The following CTNNA3 variants were observed in gnomAD, a reference collection of about 807,000 sequenced individuals.
CTNNA3 encodes catenin alpha 3.
CTNNA3 carries 76 observed loss-of-function variants against 95.7 expected under a neutral mutation model. The observed-to-expected ratio is 0.79, with a 90% CI of 0.66 to 0.96. CTNNA3 has a LOEUF of 0.96. Among genes scored for constraint, CTNNA3 ranks in the 40% least tolerant of loss-of-function variants. The probability of loss-of-function intolerance (pLI) is 0.00; values close to 1 mark genes in which losing one functional copy is unlikely to be tolerated. For missense variants in CTNNA3, 1,191 were observed against 1,089.8 expected, an observed-to-expected ratio of 1.09 and a Z score of -1.31; for synonymous variants, 431 against 374.4, an observed-to-expected ratio of 1.15 and a Z score of -1.74.
intron 9 of CTNNA3, among the ~76,000 whole-genome samples, chr10:66,718,927 A>G (rs1023215143): frequency 2.0e-5 from 3 of 152,176 alleles, no homozygotes; most frequent in African/African-American, 7.2e-5. Context: ...ATTTACCACT[A>G]AAGTAACATA....
At chr10:65,996,824 T>C (rs10740215) in intron 15 of CTNNA3, among the ~76,000 whole-genome samples, 130,042 of 152,132 alleles carry the variant, frequency 0.85, 55,852 homozygotes, top group African/African-American at 0.91. Flanking sequence ...TTTTTCTTGC[T>C]TCAGGTGTTT....
intron 13 of CTNNA3, among the ~76,000 whole-genome samples, chr10:66,138,594 C>T (rs1003489048): frequency 1.3e-5 from 2 of 152,042 alleles, no homozygotes; most frequent in East Asian, 1.9e-4. Flanking sequence ...TTTGGGAGGC[C>T]GAGGTGGGCA....
At chr10:67,427,479 C>A (rs1382107805) in intron 5 of CTNNA3, among the ~76,000 whole-genome samples, 1 of 151,906 alleles carries the variant, frequency 6.6e-6, no homozygotes, top group Non-Finnish European at 1.5e-5. Flanking sequence ...CATGTTTTGG[C>A]CCCTTCTCTT....
At chr10:67,476,887 C>G (rs1049952131) in intron 5 of CTNNA3, among the ~76,000 whole-genome samples, 5 of 151,446 alleles carry the variant, frequency 3.3e-5, no homozygotes, top group African/African-American at 9.7e-5. Flanking sequence ...CTCCACTCCA[C>G]CCTCAAGCAG....
chr10:66,491,758 G>C (rs962749530), intron 11 of CTNNA3, among the ~76,000 whole-genome samples: 4 of 152,102 alleles, frequency 2.6e-5, no homozygotes, highest in East Asian at 1.9e-4. Flanking sequence ...GTTATAAATA[G>C]AGTAATTAAA....
chr10:67,639,837 C>G (rs575271851), intron 2 of CTNNA3, among the ~76,000 whole-genome samples: 7 of 152,052 alleles, frequency 4.6e-5, no homozygotes, highest in South Asian at 2.1e-4. Flanking sequence ...CAATAAATTA[C>G]GTATTGATGG....
At chr10:66,224,757 T>C (rs1177425489) in intron 13 of CTNNA3, among the ~76,000 whole-genome samples, 1 of 152,190 alleles carries the variant, frequency 6.6e-6, no homozygotes, top group Non-Finnish European at 1.5e-5. Flanking sequence ...GAAGGTCCTT[T>C]ATAAGATAAC....
intron 9 of CTNNA3, among the ~76,000 whole-genome samples, chr10:66,740,214 G>C (rs74998222): frequency 0.021 from 3,206 of 152,298 alleles, 119 homozygotes; most frequent in African/African-American, 0.073. Context: ...GACATGGTGA[G>C]ACTTTACTCA....
intron 9 of CTNNA3, among the ~76,000 whole-genome samples, chr10:66,687,618 C>T (rs558254930): frequency 6.6e-6 from 1 of 151,970 alleles, no homozygotes; most frequent in East Asian, 1.9e-4. Context: ...GAGGGCCAAG[C>T]AGGATATGAA....
intron 15 of CTNNA3, among the ~76,000 whole-genome samples, chr10:66,063,904 A>G (rs1230741169): frequency 6.6e-6 from 1 of 152,184 alleles, no homozygotes. Flanking sequence ...ATAGTAGGCC[A>G]TTTAACTCTG....
In CTNNA3 at chr10:66,529,191, C is replaced by A. The variant is rs761937865; in HGVS notation, c.1375-8418G>T. 4.0e-4 allele frequency among the ~76,000 whole-genome samples: 61 copies of A among 151,912 alleles called. 1 individual carries two copies. Among genetic ancestry groups the A allele is most frequent in the African/African-American group, 1.4e-3 (56 of 41,372 alleles). On this transcript the variant is annotated intron_variant, in intron 10 of 17. Coordinates refer to ENST00000433211, the MANE Select transcript of CTNNA3 (RefSeq NM_013266.4). The stretch of plus-strand genomic sequence containing the variant: ...TCAAGCAGACTAGAATGCAATGGTG[C>A]GATCTTGGCTCACTGCAACCTCCAC...
chr10:66,635,990 CTGTGTGTGTGTGTGTG>C (rs10527642), intron 9 of CTNNA3, among the ~76,000 whole-genome samples: 22,009 of 145,864 alleles, frequency 0.15, 2,125 homozygotes, highest in Non-Finnish European at 0.21. Flanking sequence ...TGGAAGAACA[CTGTGTGTGTGTGTGTG>C]TGTGTGTGTG....
At chr10:66,320,336 C>T (rs2092163944) in intron 12 of CTNNA3, among the ~76,000 whole-genome samples, 1 of 152,084 alleles carries the variant, frequency 6.6e-6, no homozygotes, top group Non-Finnish European at 1.5e-5. Flanking sequence ...TCTAATTTTT[C>T]CTGCCTCTAG....
intron 7 of CTNNA3, among the ~76,000 whole-genome samples, chr10:67,111,529 T>C (rs1858908885): frequency 6.6e-6 from 1 of 152,108 alleles, no homozygotes; most frequent in Non-Finnish European, 1.5e-5. Flanking sequence ...TTTACATGAC[T>C]GTTTATGTGT....
intron 12 of CTNNA3, among the ~76,000 whole-genome samples, chr10:66,322,460 C>G (rs2092202153): frequency 6.6e-6 from 1 of 151,976 alleles, no homozygotes; most frequent in Non-Finnish European, 1.5e-5. Context: ...AGACAGAAAT[C>G]AAAGTTCAGT....
chr10:65,995,691 C>A (rs1279231467), intron 15 of CTNNA3, among the ~76,000 whole-genome samples: 1 of 152,214 alleles, frequency 6.6e-6, no homozygotes, highest in South Asian at 2.1e-4. Flanking sequence ...TCCTGGGTAG[C>A]ATGCATGGCA....
chr10:66,155,056 G>A (rs2084419262), intron 13 of CTNNA3, among the ~76,000 whole-genome samples: 1 of 151,548 alleles, frequency 6.6e-6, no homozygotes, highest in African/African-American at 2.4e-5. Context: ...AAAATAGGTG[G>A]CAGGCAATTT....
chr10:66,033,338 T>C (rs376940225), intron 15 of CTNNA3, among the ~76,000 whole-genome samples: 6 of 152,134 alleles, frequency 3.9e-5, no homozygotes, highest in African/African-American at 9.6e-5. Context: ...GGTTTCACCA[T>C]GTTAGCCGGG....
chr10:65,927,623 T>C (rs1265474508), intron 17 of CTNNA3, among the ~76,000 whole-genome samples: 1 of 152,230 alleles, frequency 6.6e-6, no homozygotes, highest in African/African-American at 2.4e-5. Flanking sequence ...TTGCTGCATG[T>C]ACCAGTAGTT....
Sources: gnomAD v4.1 joint callset for allele counts (sites outside exome capture counted in the v4.1 genomes callset) on GRCh38, gnomAD v4.1.1 for gene constraint, MANE v1.5 for transcripts, NCBI Gene and HGNC (gene_info 2026-07-23, HGNC 2026-07-21) for gene names.